MAP9: variants seen among roughly 807,000 people sequenced by gnomAD.
MAP9 encodes microtubule-associated protein 9.
In MAP9, 80 loss-of-function variants were observed where a neutral mutation model predicts 75.2. The ratio of observed to expected loss-of-function variants is 1.06; its 90% CI spans 0.89 to 1.28. The LOEUF is 1.28. MAP9 is among the 50% of genes most tolerant of loss of function. MAP9 has a pLI of 0.00. For synonymous variants in MAP9, 235 were observed against 237.3 expected, an observed-to-expected ratio of 0.99 and a Z score of 0.09; for missense variants, 753 against 719.9, an observed-to-expected ratio of 1.05 and a Z score of -0.53.
Position 155,360,225 on chromosome 4 carries a change from T to C in MAP9, c.993A>G (p.Pro331=). ...AGATACTCTGAGATTTAGATAGTAG[T>C]GGATCAACTGTTCTGTCATCATCCA... The part of the protein sequence containing the change: ...LIMDDDRTVD[P]LLSKSQSILI... The change falls in exon 7 of 14, where the codon CCA becomes CCG. Residue 331 remains proline, a synonymous_variant. Coordinates refer to ENST00000311277, the MANE Select transcript of MAP9 (RefSeq NM_001039580.2). 2 of 1,612,786 alleles carry C rather than the reference T, an allele frequency of 1.2e-6. No homozygotes were observed. Among genetic ancestry groups the C allele is most frequent in the Non-Finnish European group, 1.7e-6 (2 of 1,179,012 alleles).
chr4:155,348,146 G>A (rs1731352705), intron 13 of MAP9, among the ~76,000 whole-genome samples: 1 of 151,942 alleles, frequency 6.6e-6, no homozygotes, highest in South Asian at 2.1e-4. Flanking sequence ...GACCAGCCTG[G>A]GAAACATGGT....
chr4:155,370,819 A>G (rs1410334517), intron 4 of MAP9, among the ~76,000 whole-genome samples: 1 of 152,242 alleles, frequency 6.6e-6, no homozygotes, highest in African/African-American at 2.4e-5. Context: ...AACAAACGCT[A>G]AATAATAAAA....
At chr4:155,362,241 A>T in intron 5 of MAP9, 100 bp from the exon 6 acceptor site, 1 of 737,806 alleles carries the variant, frequency 1.4e-6, no homozygotes, top group Non-Finnish European at 2.2e-6. Flanking sequence ...ATAGTGCATA[A>T]CTCTGAAATC....
At chr4:155,360,479 T>C in intron 6 of MAP9, 64 bp from the exon 7 acceptor site, 1 of 1,460,462 alleles carries the variant, frequency 6.8e-7, no homozygotes, top group Non-Finnish European at 9.2e-7. Context: ...AATACTTGAT[T>C]CATTTGCTTT....
At chr4:155,368,413 G>A (rs1732424294) in intron 5 of MAP9, 173 bp downstream of exon 5, 1 of 635,530 alleles carries the variant, frequency 1.6e-6, no homozygotes, top group Admixed American at 2.8e-5. Flanking sequence ...TGCAGTTTTA[G>A]ACTCGGTGGA....
chr4:155,372,959 C>CA (rs1430521603), intron 4 of MAP9, 177 bp downstream of exon 4: 1 of 471,274 alleles, frequency 2.1e-6, no homozygotes, highest in Non-Finnish European at 3.7e-6. Flanking sequence ...TGAAGTTAGA[C>CA]AAAATACAAC....
chr4:155,347,508 A>C lies in MAP9; in HGVS notation c.*275T>G, dbSNP rs547510392. 4.3e-5 allele frequency: 12 copies of C among 278,366 alleles called. No homozygotes were observed. Among genetic ancestry groups the C allele is most frequent in the Admixed American group, 1.0e-4 (2 of 19,458 alleles). The allele number at this position is 278,366 out of a possible 1,614,324, so 17.2% of individuals were successfully genotyped here. A position where few individuals can be genotyped will look rare whatever the true frequency, so the allele number is the denominator to read the frequency against. On this transcript the variant is annotated 3_prime_UTR_variant, in exon 14 of 14. Coordinates refer to ENST00000311277, the MANE Select transcript of MAP9 (RefSeq NM_001039580.2). ...AGCTTAATGAAAAAGATCATGAATC[A>C]CTCCACCATAAGAATTATCAGGACA...
At chr4:155,363,371 T>A (rs1351933558) in intron 5 of MAP9, 1 of 151,582 alleles carries the variant, frequency 6.6e-6, no homozygotes, top group Non-Finnish European at 1.5e-5. Flanking sequence ...CAATCAAAAG[T>A]CACTAAAGAA....
At chr4:155,372,431 G>T (rs1324032394) in intron 4 of MAP9, among the ~76,000 whole-genome samples, 1 of 152,136 alleles carries the variant, frequency 6.6e-6, no homozygotes, top group African/African-American at 2.4e-5. Flanking sequence ...CAGGGTATGT[G>T]ACAGGACTTG....
chr4:155,356,376 A>G (rs969098720), intron 8 of MAP9, among the ~76,000 whole-genome samples: 2 of 152,164 alleles, frequency 1.3e-5, no homozygotes, highest in African/African-American at 4.8e-5. Flanking sequence ...ATTATGTAGA[A>G]GGGGACATAA....
At chr4:155,374,890 G>T in intron 3 of MAP9, 47 bp downstream of exon 3, 1 of 1,310,070 alleles carries the variant, frequency 7.6e-7, no homozygotes, top group Non-Finnish European at 1.1e-6. Context: ...CAAAACTAAG[G>T]AAGCAAAAAG....
At chr4:155,354,552 C>G (rs2111206325) in intron 10 of MAP9, among the ~76,000 whole-genome samples, 1 of 150,958 alleles carries the variant, frequency 6.6e-6, no homozygotes, top group South Asian at 2.1e-4. Context: ...CAACCTCCGC[C>G]TCCCGGGTTC....
At position 155,347,732 on chromosome 4, in the gene MAP9, G is replaced by T; in HGVS notation, c.*51C>A. On this transcript the variant is annotated 3_prime_UTR_variant, in exon 14 of 14. Coordinates refer to ENST00000311277, the MANE Select transcript of MAP9 (RefSeq NM_001039580.2). ...ATAATTGAATGGTTTTAAATCTATG[G>T]CTAATATTGGCAAACCGATAAATAA... is the stretch of plus-strand genomic sequence containing the variant. 2.0e-6 allele frequency: 3 copies of T among 1,511,686 alleles called. No individual in the cohort carries two copies. Among genetic ancestry groups the T allele is most frequent in the East Asian group, 2.3e-5 (1 of 42,968 alleles). 93.6% of individuals were successfully genotyped at this position (1,511,686 alleles called of 1,614,324 possible). A position where few individuals can be genotyped will look rare whatever the true frequency, so the allele number is the denominator to read the frequency against.
chr4:155,368,515 C>T (rs751967516), intron 5 of MAP9, 71 bp downstream of exon 5: 7 of 1,245,954 alleles, frequency 5.6e-6, no homozygotes, highest in Non-Finnish European at 8.2e-6. Flanking sequence ...TTCTCTCCTT[C>T]TCTTTTTCAT....
At chr4:155,354,255 A>G (rs1456292700) in intron 10 of MAP9, 1 of 152,148 alleles carries the variant, frequency 6.6e-6, no homozygotes, top group Non-Finnish European at 1.5e-5. Flanking sequence ...TGACTTTAGA[A>G]GATAAGAAAT....
chr4:155,362,391 AC>A (rs1732130218), intron 5 of MAP9: 2 of 324,932 alleles, frequency 6.2e-6, no homozygotes, highest in African/African-American at 4.3e-5. Context: ...AACTACCACC[AC>A]CTCTCTATTT....
chr4:155,371,827 T>C (rs1732611346), intron 4 of MAP9, among the ~76,000 whole-genome samples: 1 of 152,114 alleles, frequency 6.6e-6, no homozygotes, highest in African/African-American at 2.4e-5. Flanking sequence ...TTAGTTGCTA[T>C]ATATGCTCGC....
intron 4 of MAP9, among the ~76,000 whole-genome samples, chr4:155,369,735 G>C (rs538913316): frequency 6.6e-6 from 1 of 152,290 alleles, no homozygotes; most frequent in South Asian, 2.1e-4. Context: ...ACTCTCATTA[G>C]AGGAAGGAAT....
At chr4:155,361,773 G>A (rs1732091341) in intron 6 of MAP9, among the ~76,000 whole-genome samples, 1 of 151,954 alleles carries the variant, frequency 6.6e-6, no homozygotes, top group African/African-American at 2.4e-5. Flanking sequence ...CTCCACTTGG[G>A]CTATTAACTA....
Sources: gnomAD v4.1 joint callset for allele counts (sites outside exome capture counted in the v4.1 genomes callset) on GRCh38, gnomAD v4.1.1 for gene constraint, MANE v1.5 for transcripts, NCBI Gene and HGNC (gene_info 2026-07-23, HGNC 2026-07-21) for gene names.